Variants in POGZ observed in about 807,000 individuals in gnomAD.
The protein encoded by POGZ is pogo transposable element derived with ZNF domain.
A neutral mutation model predicts 134.6 loss-of-function variants in POGZ; 17 were observed. The observed-to-expected ratio is 0.13, with a 90% CI of 0.09 to 0.19. The LOEUF (loss-of-function observed/expected upper bound fraction) is 0.19, where lower values mean the gene tolerates loss of function less well. Ranked by LOEUF, POGZ falls within the 10% of genes least tolerant of loss-of-function variation. The pLI, the probability that POGZ is intolerant of heterozygous loss-of-function variation, is 1.00. For missense variants in POGZ, 1,306 were observed against 1,769.7 expected (o/e 0.74, Z 4.70); for synonymous variants, 693 against 657.1 (o/e 1.05, Z -0.84).
chr1:151,443,650 T>G (rs1217801134), intron 1 of POGZ, among the ~76,000 whole-genome samples: 1 of 151,518 alleles, frequency 6.6e-6, no homozygotes, highest in Admixed American at 6.6e-5. Context: ...GGAGTGGAGG[T>G]TGCAATGAGC....
Position 151,403,210 on chromosome 1 carries a change from A to C in POGZ, c.*1592T>G. 1 of 985,648 alleles carries C rather than the reference A, an allele frequency of 1.0e-6. No homozygotes were observed. The highest frequency in any genetic ancestry group is 4.7e-5 in the South Asian group (1 of 21,274). The allele number at this position is 985,648 out of a possible 1,614,324, so 61.1% of individuals were successfully genotyped here. On this transcript the variant is annotated 3_prime_UTR_variant, in exon 19 of 19. Transcript: ENST00000271715. ...ATAGTGTGCTGGGGGATGAAAAAAC[A>C]AACAAACAAAAAAGCAGGGTGGGGT...
Position 151,404,714 on chromosome 1 carries a change from C to A in POGZ, c.*88G>T, listed in dbSNP as rs1571317576. ...ATTAAAAAATAGAAACCAAATACCCCACCTGGTATGCCCCCTTTTCCCTAA... is the reference window on the plus strand; with the variant it reads ...ATTAAAAAATAGAAACCAAATACCCAACCTGGTATGCCCCCTTTTCCCTAA... On this transcript the variant is annotated 3_prime_UTR_variant, in exon 19 of 19. Coordinates refer to ENST00000271715, the MANE Select transcript of POGZ (RefSeq NM_015100.4). The A allele has an allele frequency of 4.7e-6, 7 of 1,475,216 alleles. No homozygotes were observed. The South Asian group carries it at 8.8e-5, about 19-fold the overall frequency. The allele number at this position is 1,475,216 out of a possible 1,614,324, so 91.4% of individuals were successfully genotyped here. A position where few individuals can be genotyped will look rare whatever the true frequency, so the allele number is the denominator to read the frequency against.
At chr1:151,450,411 G>A (rs1661903267) in intron 1 of POGZ, among the ~76,000 whole-genome samples, 1 of 151,972 alleles carries the variant, frequency 6.6e-6, no homozygotes, top group African/African-American at 2.4e-5. Flanking sequence ...GTAGTGCAGT[G>A]GCGCGATCTC....
At chr1:151,408,384 C>A in intron 14 of POGZ, 25 bp downstream of exon 14, 1 of 1,575,584 alleles carries the variant, frequency 6.3e-7, no homozygotes, top group Non-Finnish European at 8.6e-7. Flanking sequence ...CCCCACCCGC[C>A]CAGCACTTAG....
chr1:151,445,597 T>C (rs1661158346), intron 1 of POGZ, among the ~76,000 whole-genome samples: 1 of 79,494 alleles, frequency 1.3e-5, no homozygotes, highest in Non-Finnish European at 3.1e-5. Context: ...TATGGGGAAA[T>C]ATTTTTCATT....
In POGZ at chr1:151,404,418, T is replaced by G. The variant is rs1479748697; in HGVS notation, c.*384A>C. 3 of 998,714 alleles carry G rather than the reference T, an allele frequency of 3.0e-6. No homozygotes were observed. Among genetic ancestry groups the G allele is most frequent in the Non-Finnish European group, 3.6e-6 (3 of 837,322 alleles). The allele number at this position is 998,714 out of a possible 1,614,324, so 61.9% of individuals were successfully genotyped here. On this transcript the variant is annotated 3_prime_UTR_variant, in exon 19 of 19. Coordinates refer to ENST00000271715, the MANE Select transcript of POGZ (RefSeq NM_015100.4). ...TAAAACAAACAAAAAAACCCAGTAC[T>G]ATGATACAATTGAGGTAAAAGGGGA...
intron 8 of POGZ, 173 bp from the exon 9 acceptor site, chr1:151,424,459 C>T (rs189958257): frequency 8.5e-5 from 45 of 527,100 alleles, no homozygotes; most frequent in African/African-American, 7.7e-4. Flanking sequence ...AGAGTATATC[C>T]ACATATGCCA....
chr1:151,410,711 T>C (rs1654513184), intron 12 of POGZ, among the ~76,000 whole-genome samples: 1 of 152,188 alleles, frequency 6.6e-6, no homozygotes, highest in Non-Finnish European at 1.5e-5. Flanking sequence ...ATCCAACAGC[T>C]ACACTTGACA....
intron 1 of POGZ, among the ~76,000 whole-genome samples, chr1:151,458,591 C>A (rs1460897058): frequency 2.0e-5 from 3 of 149,562 alleles, no homozygotes; most frequent in Admixed American, 2.0e-4. Flanking sequence ...CCCCCACCCC[C>A]AGGGGCCGCT....
At chr1:151,440,883 C>T (rs2102363915) in intron 3 of POGZ, 45 bp downstream of exon 3, 1 of 1,553,250 alleles carries the variant, frequency 6.4e-7, no homozygotes, top group South Asian at 1.1e-5. Flanking sequence ...TTTATTCTTT[C>T]ACCCCTCTAG....
In POGZ at chr1:151,402,958, CT is replaced by C. The variant is rs1490375986; in HGVS notation, c.*1843del. 9 of 152,790 alleles carry C rather than the reference CT, an allele frequency of 5.9e-5. No homozygotes were observed. Among genetic ancestry groups the C allele is most frequent in the Non-Finnish European group, 1.3e-4 (9 of 68,204 alleles). The allele number at this position is 152,790 out of a possible 1,614,324, so 9.5% of individuals were successfully genotyped here. On this transcript the variant is annotated 3_prime_UTR_variant, in exon 19 of 19. Coordinates refer to ENST00000271715, the MANE Select transcript of POGZ (RefSeq NM_015100.4). ...GCTAAGGCTGTGGCTGCTGCAGAGA[CT>C]ACCAAAGAGTAGGATTAGGTTGTAG...
At chr1:151,408,648 A>C in intron 13 of POGZ, 46 bp downstream of exon 13, 1 of 1,604,500 alleles carries the variant, frequency 6.2e-7, no homozygotes, top group Non-Finnish European at 8.5e-7. Flanking sequence ...GAAAATCTCT[A>C]TTCCTCCCTC....
chr1:151,405,038 C>A lies in POGZ; in HGVS notation c.3997G>T (p.Asp1333Tyr). The A allele has an allele frequency of 1.2e-6, 2 of 1,614,170 alleles. No homozygotes were observed. Among genetic ancestry groups the A allele is most frequent in the Non-Finnish European group, 1.7e-6 (2 of 1,180,036 alleles). ...CTTGTAGGTGAGTTAATGTTGCCAT[C>A]GGGGCCAGGCAGAACACTAGCCACC... ...FLVASVLPGP[D>Y]GNINSPTRNA... is the part of the protein sequence containing the mutation. The change falls in exon 19 of 19, where the codon GAT becomes TAT. Residue 1333 changes from aspartate to tyrosine, a missense_variant. Asp to Tyr is a radical substitution (Grantham distance 160, BLOSUM62 -3). Coordinates refer to ENST00000271715, the MANE Select transcript of POGZ (RefSeq NM_015100.4). The surrounding 1 kb of genome is among the most constrained non-coding windows in gnomAD (Gnocchi z 4.9).
intron 10 of POGZ, among the ~76,000 whole-genome samples, chr1:151,418,958 G>C (rs1656293620): frequency 6.9e-6 from 1 of 145,958 alleles, no homozygotes; most frequent in African/African-American, 2.5e-5. Context: ...CCAGAAGGTG[G>C]AGGTTGTAGT....
At chr1:151,452,993 G>A (rs946799952) in intron 1 of POGZ, among the ~76,000 whole-genome samples, 3 of 151,260 alleles carry the variant, frequency 2.0e-5, no homozygotes, top group Admixed American at 1.3e-4. Context: ...AGTGATCTTG[G>A]CTCACTGCAA....
intron 3 of POGZ, among the ~76,000 whole-genome samples, chr1:151,440,181 T>C (rs1448768073): frequency 6.6e-6 from 1 of 151,834 alleles, no homozygotes; most frequent in Non-Finnish European, 1.5e-5. Flanking sequence ...AACATTTTTT[T>C]GTTCCTTTTT....
chr1:151,437,107 T>C (rs1659715311), intron 3 of POGZ, among the ~76,000 whole-genome samples: 1 of 151,798 alleles, frequency 6.6e-6, no homozygotes, highest in African/African-American at 2.4e-5. Flanking sequence ...GGTACGAGAA[T>C]CATTTGAACT....
chr1:151,446,911 G>A (rs1661358331), intron 1 of POGZ, among the ~76,000 whole-genome samples: 2 of 151,880 alleles, frequency 1.3e-5, no homozygotes, highest in Admixed American at 6.6e-5. Context: ...AATTTTAATT[G>A]AATAAAAAAG....
intron 1 of POGZ, among the ~76,000 whole-genome samples, chr1:151,446,007 T>C (rs1173587041): frequency 6.6e-6 from 1 of 151,628 alleles, no homozygotes; most frequent in Non-Finnish European, 1.5e-5. Flanking sequence ...CACCATTCTC[T>C]GTGGTCTTTC....
Sources: gnomAD v4.1 joint callset for allele counts (sites outside exome capture counted in the v4.1 genomes callset) on GRCh38, gnomAD v4.1.1 for gene constraint, Gnocchi (gnomAD v3.1) non-coding constraint, MANE v1.5 for transcripts, NCBI Gene and HGNC (gene_info 2026-07-23, HGNC 2026-07-21) for gene names.